PLCB1: variants seen among roughly 807,000 people sequenced by gnomAD.
PLCB1 encodes phospholipase C beta 1.
Under a neutral mutation model 161.8 loss-of-function variants are expected in PLCB1, and 46 were observed. The ratio of observed to expected loss-of-function variants is 0.28; its 90% confidence interval spans 0.22 to 0.36. The LOEUF (loss-of-function observed/expected upper bound fraction) is 0.36, where lower values mean the gene tolerates loss of function less well. Ranked by LOEUF, PLCB1 falls within the 10% of genes least tolerant of loss-of-function variation. The pLI, the probability that PLCB1 is intolerant of heterozygous loss-of-function variation, is 1.00. For missense variants in PLCB1, 1,016 were observed against 1,472.5 expected, an observed-to-expected ratio of 0.69 and a Z score of 5.07; for synonymous variants, 517 against 503.7, an observed-to-expected ratio of 1.03 and a Z score of -0.35.
chr20:8,265,889 T>C (rs1050431150), intron 2 of PLCB1, among the ~76,000 whole-genome samples: 1 of 152,188 alleles, frequency 6.6e-6, no homozygotes, highest in African/African-American at 2.4e-5. Flanking sequence ...ACAAATGTCA[T>C]TGTGGAAATC....
intron 9 of PLCB1, among the ~76,000 whole-genome samples, chr20:8,660,734 G>T (rs533042614): frequency 1.4e-4 from 22 of 152,148 alleles, no homozygotes; most frequent in Admixed American, 7.9e-4. Context: ...ATTTCAAATC[G>T]AAAGAGGCAC....
At chr20:8,135,732 G>A (rs1367995444) in intron 1 of PLCB1, among the ~76,000 whole-genome samples, 1 of 152,174 alleles carries the variant, frequency 6.6e-6, no homozygotes, top group Non-Finnish European at 1.5e-5. Flanking sequence ...AACTTGGCAT[G>A]AAGATAAAGG....
At chr20:8,392,967 G>A (rs893667346) in intron 3 of PLCB1, among the ~76,000 whole-genome samples, 2 of 152,130 alleles carry the variant, frequency 1.3e-5, no homozygotes, top group African/African-American at 4.8e-5. Context: ...ATTTGTTAAT[G>A]ATGAAATAAA....
intron 31 of PLCB1, among the ~76,000 whole-genome samples, chr20:8,875,016 CAATAT>C (rs1987730926): frequency 6.6e-6 from 1 of 151,690 alleles, no homozygotes; most frequent in African/African-American, 2.4e-5. Context: ...TTAAATTAAT[CAATAT>C]AATAAATGTC....
intron 3 of PLCB1, among the ~76,000 whole-genome samples, chr20:8,546,260 G>A (rs1289855138): frequency 6.9e-6 from 1 of 145,644 alleles, no homozygotes; most frequent in Non-Finnish European, 1.5e-5. Context: ...GTTGCAGTGA[G>A]CTGAGATCGC....
Position 8,790,248 on chromosome 20 carries a change from A to G in PLCB1, c.3410A>G (p.Asp1137Gly). Residue 1137 changes from aspartate to glycine, a missense_variant, in exon 31 of 32, where the codon GAT becomes GGT. Asp to Gly is a moderately conservative substitution (Grantham distance 94). Transcript: ENST00000338037. ...AAGGAAATACGTCAGCAGATCCTGGATGAAAAGCCCAAGGTAAACGGAACT... is the reference window on the plus strand; with the variant it reads ...AAGGAAATACGTCAGCAGATCCTGGGTGAAAAGCCCAAGGTAAACGGAACT... ...KHKEIRQQIL[D>G]EKPKLQVELE... 6.2e-7 allele frequency: 1 copy of G among 1,610,454 alleles called. No individual in the cohort carries two copies. The highest frequency in any genetic ancestry group is 1.1e-5 in the South Asian group (1 of 90,652).
chr20:8,877,623 A>G (rs1987824331), intron 31 of PLCB1, among the ~76,000 whole-genome samples: 1 of 152,190 alleles, frequency 6.6e-6, no homozygotes, highest in Admixed American at 6.6e-5. Flanking sequence ...CTGAGTTTGC[A>G]ACCCTTGGGC....
chr20:8,654,884 C>G lies in PLCB1; in HGVS notation c.595-2300C>G, dbSNP rs542975085. ...CATAGCTTTTACCTAAACATCTCCC[C>G]TATAGCCTTTCATCTCAGCATTTAA... On this transcript the variant is annotated intron_variant, in intron 7 of 31. Coordinates refer to ENST00000338037, the MANE Select transcript of PLCB1 (RefSeq NM_015192.4). Among the ~76,000 whole-genome samples the G allele has an allele frequency of 2.0e-5, 3 of 152,098 alleles. 1 individual carries two copies. The highest frequency in any genetic ancestry group is 7.2e-5 in the African/African-American group (3 of 41,528).
chr20:8,421,841 G>T (rs1360860995), intron 3 of PLCB1, among the ~76,000 whole-genome samples: 2 of 152,172 alleles, frequency 1.3e-5, no homozygotes, highest in Non-Finnish European at 2.9e-5. Context: ...ATCAGAATCT[G>T]CATTTTAACA....
intron 3 of PLCB1, among the ~76,000 whole-genome samples, chr20:8,497,097 G>T (rs1983209705): frequency 6.6e-6 from 1 of 152,150 alleles, no homozygotes; most frequent in African/African-American, 2.4e-5. Flanking sequence ...TAAGGAATTT[G>T]ATAAATATAC....
intron 27 of PLCB1, among the ~76,000 whole-genome samples, chr20:8,778,498 A>G (rs1193544289): frequency 1.3e-5 from 2 of 152,152 alleles, no homozygotes; most frequent in African/African-American, 2.4e-5. Flanking sequence ...TTGAGGAGCT[A>G]GGGAGGTGGT....
chr20:8,158,157 T>C (rs1270386586), intron 2 of PLCB1, among the ~76,000 whole-genome samples: 1 of 152,240 alleles, frequency 6.6e-6, no homozygotes, highest in Non-Finnish European at 1.5e-5. Context: ...GCATTCTGCA[T>C]ATTGTTCATA....
chr20:8,575,441 T>C (rs1986647573), intron 3 of PLCB1, among the ~76,000 whole-genome samples: 1 of 152,206 alleles, frequency 6.6e-6, no homozygotes. Flanking sequence ...ATATGACTCT[T>C]GCATTTTCTT....
chr20:8,196,828 C>T (rs2052029639), intron 2 of PLCB1, among the ~76,000 whole-genome samples: 1 of 151,858 alleles, frequency 6.6e-6, no homozygotes, highest in Non-Finnish European at 1.5e-5. Context: ...CTCCCCCAAC[C>T]CCACAACAGG....
At chr20:8,792,619 C>T (rs780359467) in intron 31 of PLCB1, 1 of 471,228 alleles carries the variant, frequency 2.1e-6, no homozygotes, top group South Asian at 1.5e-5. Context: ...GCTTTTCTTC[C>T]ATGAGGTTGC....
chr20:8,528,582 G>A (rs1305230388), intron 3 of PLCB1, among the ~76,000 whole-genome samples: 1 of 151,996 alleles, frequency 6.6e-6, no homozygotes, highest in African/African-American at 2.4e-5. Flanking sequence ...TTCTTTGGCA[G>A]GATCTACAGC....
intron 3 of PLCB1, among the ~76,000 whole-genome samples, chr20:8,399,460 A>AT (rs1430177805): frequency 6.6e-6 from 1 of 151,956 alleles, no homozygotes; most frequent in Admixed American, 6.6e-5. Flanking sequence ...TTTCTGGAAT[A>AT]TTTTTTACTA....
chr20:8,772,067 T>TTA (rs1175883903), intron 26 of PLCB1, among the ~76,000 whole-genome samples: 3 of 148,558 alleles, frequency 2.0e-5, no homozygotes, highest in African/African-American at 7.6e-5. Context: ...TTTTTTTTTT[T>TTA]TAGAGGTGGG....
At chr20:8,342,500 G>A (rs976342899) in intron 2 of PLCB1, among the ~76,000 whole-genome samples, 9 of 152,144 alleles carry the variant, frequency 5.9e-5, no homozygotes, top group African/African-American at 2.2e-4. Context: ...TGCAGATAGA[G>A]AGAGCAGGTG....
Sources: gnomAD v4.1 joint callset for allele counts (sites outside exome capture counted in the v4.1 genomes callset) on GRCh38, gnomAD v4.1.1 for gene constraint, MANE v1.5 for transcripts, NCBI Gene and HGNC (gene_info 2026-07-23, HGNC 2026-07-21) for gene names.